CPNE9: variants seen among roughly 807,000 people sequenced by gnomAD.
CPNE9 encodes copine-9.
In CPNE9, 59 loss-of-function variants were observed where a neutral mutation model predicts 83.0. The observed-to-expected ratio is 0.71, with a 90% CI of 0.58 to 0.88. The LOEUF is 0.88. Ranked by LOEUF, CPNE9 falls within the 40% of genes least tolerant of loss-of-function variation. The pLI, the probability that CPNE9 is intolerant of heterozygous loss-of-function variation, is 0.00. For missense variants in CPNE9, 619 were observed against 720.8 expected, an observed-to-expected ratio of 0.86 and a Z score of 1.62; for synonymous variants, 256 against 273.4, an observed-to-expected ratio of 0.94 and a Z score of 0.63.
At chr3:9,727,324 A>T (rs3891072) in intron 20 of CPNE9, 138 bp downstream of exon 20, 389,997 of 963,204 alleles carry the variant, frequency 0.4, 81,961 homozygotes, top group African/African-American at 0.57. Flanking sequence ...TCATTCATTG[A>T]ATACATCCTT....
intron 10 of CPNE9, among the ~76,000 whole-genome samples, chr3:9,713,873 C>G (rs576129277): frequency 6.6e-6 from 1 of 152,060 alleles, no homozygotes; most frequent in East Asian, 1.9e-4. Flanking sequence ...AGATCGAGAC[C>G]ATCCTGGCTA....
chr3:9,729,087 AG>A (rs527455159), intron 20 of CPNE9, among the ~76,000 whole-genome samples: 63 of 152,268 alleles, frequency 4.1e-4, no homozygotes, highest in South Asian at 1.7e-3. Context: ...TGGTGGTGGG[AG>A]GGGGGAGCTT....
intron 7 of CPNE9, among the ~76,000 whole-genome samples, chr3:9,708,794 G>A (rs202064142): frequency 2.8e-4 from 42 of 151,782 alleles, no homozygotes; most frequent in African/African-American, 8.7e-4. Context: ...CACCATGCCC[G>A]GCTAATTTTT....
chr3:9,705,413 A>ACCCACAACCC, intron 4 of CPNE9, 51 bp from the exon 5 acceptor site: 1 of 780,138 alleles, frequency 1.3e-6, no homozygotes, highest in Non-Finnish European at 2.1e-6. Flanking sequence ...ACCCCTTTCC[A>ACCCACAACCC]CCCTCTCCCC....
intron 17 of CPNE9, among the ~76,000 whole-genome samples, chr3:9,719,431 C>T (rs116672252): frequency 0.014 from 2,180 of 152,220 alleles, 55 homozygotes; most frequent in African/African-American, 0.048. Context: ...TGAAGGCGTA[C>T]GTTTTAGCAT....
At chr3:9,727,467 G>A (rs771803165) in intron 20 of CPNE9, 9 of 714,182 alleles carry the variant, frequency 1.3e-5, no homozygotes, top group East Asian at 2.7e-5. Context: ...ATTAGATTGT[G>A]ATAAGTACTC....
intron 7 of CPNE9, among the ~76,000 whole-genome samples, chr3:9,708,544 G>A (rs2076586367): frequency 6.6e-6 from 1 of 152,380 alleles, no homozygotes. Context: ...ATTGGCCATT[G>A]CATTTAGCAA....
chr3:9,705,551 A>G (rs1381064801), intron 5 of CPNE9, 51 bp downstream of exon 5: 10 of 1,599,706 alleles, frequency 6.3e-6, no homozygotes, highest in Non-Finnish European at 8.6e-6. Context: ...AGGCACTTAG[A>G]TGTGTTCAAC....
chr3:9,725,229 G>A (rs1394068236), intron 17 of CPNE9, among the ~76,000 whole-genome samples: 1 of 152,072 alleles, frequency 6.6e-6, no homozygotes, highest in Admixed American at 6.6e-5. Flanking sequence ...CATAGTAAGT[G>A]CTCAATAAAT....
At position 9,715,063 on chromosome 3, in the gene CPNE9, G is replaced by A. The variant is rs529444092; in HGVS notation, c.692+108G>A. 9.7e-5 allele frequency: 105 copies of A among 1,082,488 alleles called. 1 individual carries two copies. In the South Asian group the frequency reaches 1.4e-3, roughly 14 times the overall value. 67.1% of individuals were successfully genotyped at this position (1,082,488 alleles called of 1,614,324 possible). A position where few individuals can be genotyped will look rare whatever the true frequency, so the allele number is the denominator to read the frequency against. On this transcript the variant is annotated intron_variant, in intron 11 of 20. Coordinates refer to ENST00000383832, the MANE Select transcript of CPNE9 (RefSeq NM_153635.3). ...CAAAGTAGCTTTAGGAGCCAGGAAAGGTGATGATAAACACCAGTGTCTTGG... is the reference window on the plus strand; with the variant it reads ...CAAAGTAGCTTTAGGAGCCAGGAAAAGTGATGATAAACACCAGTGTCTTGG...
intron 20 of CPNE9, among the ~76,000 whole-genome samples, chr3:9,728,063 A>G (rs2076799570): frequency 6.6e-6 from 1 of 152,180 alleles, no homozygotes; most frequent in Non-Finnish European, 1.5e-5. Context: ...GGGAAGGGGA[A>G]AGCTAGAGGA....
Position 9,727,458 on chromosome 3 carries a change from T to C in CPNE9, c.1476+272T>C. The stretch of plus-strand genomic sequence containing the variant: ...AATAATCACACAAAGAAATATCTCA[T>C]TAGATTGTGATAAGTACTCCAGAGG... On this transcript the variant is annotated intron_variant, in intron 20 of 20. Coordinates refer to ENST00000383832, the MANE Select transcript of CPNE9 (RefSeq NM_153635.3). 9 of 715,840 alleles carry C rather than the reference T, an allele frequency of 1.3e-5. No homozygotes were observed. In the South Asian group the frequency reaches 1.3e-4, roughly 11 times the overall value. 44.3% of individuals were successfully genotyped at this position (715,840 alleles called of 1,614,324 possible).
Position 9,721,322 on chromosome 3 carries a change from A to C in CPNE9, c.1241+2720A>C, listed in dbSNP as rs527757043. 1.0e-4 allele frequency among the ~76,000 whole-genome samples: 16 copies of C among 152,384 alleles called. No homozygotes were observed. In the South Asian group the frequency reaches 3.1e-3, roughly 30 times the overall value. On this transcript the variant is annotated intron_variant, in intron 17 of 20. Transcript: ENST00000383832. Reference sequence around the variant, plus strand: ...TCTGGGGGCATAGCTGAAAGCAGTCAGGCTGAAAATGTCTTTGAAGTTTCC... The same window carrying C: ...TCTGGGGGCATAGCTGAAAGCAGTCCGGCTGAAAATGTCTTTGAAGTTTCC...
At chr3:9,709,866 T>C (rs547314114) in intron 7 of CPNE9, among the ~76,000 whole-genome samples, 1 of 151,606 alleles carries the variant, frequency 6.6e-6, no homozygotes, top group Admixed American at 6.6e-5. Flanking sequence ...GGAGCGTGCC[T>C]GTAATCCCAG....
intron 15 of CPNE9, 151 bp from the exon 16 acceptor site, chr3:9,717,878 G>C (rs2076698688): frequency 1.6e-6 from 1 of 638,862 alleles, no homozygotes. Flanking sequence ...ATGGATAAAT[G>C]AACAAATGGA....
Position 9,727,096 on chromosome 3 carries a change from G to A in CPNE9, c.1403-17G>A, listed in dbSNP as rs1306305236. ...GCTGGAGAGGCCAATCAGCTGAGGG[G>A]TGTGTCTTTTCTGCAGCAATGGAAG... On this transcript the variant is annotated splice_polypyrimidine_tract_variant and intron_variant, in intron 19 of 20. Coordinates refer to ENST00000383832, the MANE Select transcript of CPNE9 (RefSeq NM_153635.3). 1.9e-6 allele frequency: 3 copies of A among 1,614,100 alleles called. No homozygotes were observed. Among genetic ancestry groups the A allele is most frequent in the East Asian group, 4.5e-5 (2 of 44,872 alleles).
intron 14 of CPNE9, among the ~76,000 whole-genome samples, 175 bp from the exon 15 acceptor site, chr3:9,716,883 G>A (rs2125469427): frequency 6.6e-6 from 1 of 152,352 alleles, no homozygotes; most frequent in African/African-American, 2.4e-5. Flanking sequence ...TGTAGTCCAT[G>A]AGCCAGCAGC....
At chr3:9,712,870 T>C (rs369902762) in intron 9 of CPNE9, 42 bp downstream of exon 9, 254 of 1,584,808 alleles carry the variant, frequency 1.6e-4, no homozygotes, top group Non-Finnish European at 1.9e-4. Flanking sequence ...GGGTGGGCCA[T>C]GTGCTTAACA....
intron 11 of CPNE9, 52 bp downstream of exon 11, chr3:9,715,007 C>G (rs757617710): frequency 6.5e-7 from 1 of 1,534,416 alleles, no homozygotes; most frequent in East Asian, 2.2e-5. Context: ...AAGCAGTTCT[C>G]AATAATATGT....
Sources: allele counts gnomAD v4.1 joint callset (sites outside exome capture counted in the v4.1 genomes callset), GRCh38; gene constraint gnomAD v4.1.1; transcripts MANE v1.5; gene names NCBI Gene and HGNC (gene_info 2026-07-23, HGNC 2026-07-21).